SUZ12: variants seen among roughly 807,000 people sequenced by gnomAD.
The protein encoded by SUZ12 is SUZ12 polycomb repressive complex 2 subunit.
In SUZ12, 17 loss-of-function variants were observed where a neutral mutation model predicts 87.3. That is an observed-to-expected ratio of 0.19 (90% CI 0.13 to 0.29). The LOEUF (loss-of-function observed/expected upper bound fraction) is 0.29. SUZ12 is among the 10% of genes least tolerant of loss of function. SUZ12 has a pLI of 1.00. For synonymous variants in SUZ12, 253 were observed against 312.4 expected (o/e 0.81, Z 2.01); for missense variants, 526 against 912.2 (o/e 0.58, Z 5.45).
intron 15 of SUZ12, 74 bp from the exon 16 acceptor site, chr17:31,998,584 T>C (rs1910105613): frequency 2.9e-6 from 3 of 1,046,790 alleles, no homozygotes; most frequent in East Asian, 2.7e-5. Context: ...TATAGTCTTA[T>C]TATAATGGTT....
At chr17:31,992,153 G>A (rs1487304639) in intron 10 of SUZ12, among the ~76,000 whole-genome samples, 3 of 151,736 alleles carry the variant, frequency 2.0e-5, no homozygotes, top group African/African-American at 7.3e-5. Flanking sequence ...TCAGCCGGGT[G>A]TGGTGGCGGG....
intron 3 of SUZ12, among the ~76,000 whole-genome samples, chr17:31,944,811 T>G (rs1906520803): frequency 6.6e-6 from 1 of 152,138 alleles, no homozygotes; most frequent in Non-Finnish European, 1.5e-5. Flanking sequence ...GGTGCAAGAT[T>G]ATATTTATTT....
rs531510092 is a variant in SUZ12, at chr17:31,988,405, C to T, written c.1109C>T (p.Thr370Met). The T allele has an allele frequency of 3.6e-5, 58 of 1,613,720 alleles. No homozygotes were observed. The highest frequency in any genetic ancestry group is 1.6e-4 in the Middle Eastern group (1 of 6,082). ...RWTGETNDKS[T>M]APIAKPLATR... The stretch of plus-strand genomic sequence containing the variant: ...ACAGGAGAGACCAATGATAAATCTA[C>T]GGCTCCTATTGCCAAACCTCTTGCC... Residue 370 changes from threonine to methionine, a missense_variant, in exon 10 of 16, where the codon ACG (threonine) becomes ATG (methionine). Coordinates refer to ENST00000322652, the MANE Select transcript of SUZ12 (RefSeq NM_015355.4).
intron 6 of SUZ12, among the ~76,000 whole-genome samples, chr17:31,975,006 TGTA>T (rs1264655038): frequency 6.6e-6 from 1 of 152,202 alleles, no homozygotes; most frequent in Non-Finnish European, 1.5e-5. Context: ...TGTTTCATAA[TGTA>T]GTTGTTGACC....
chr17:31,972,098 A>T (rs1908467289), intron 5 of SUZ12, among the ~76,000 whole-genome samples: 1 of 151,944 alleles, frequency 6.6e-6, no homozygotes, highest in African/African-American at 2.4e-5. Context: ...AGCCTAGCCA[A>T]CATGGTGAAA....
rs531987209 is a variant in SUZ12, at chr17:31,992,432, CAG to C, written c.1202-807_1202-806del. On this transcript the variant is annotated intron_variant, in intron 10 of 15. Transcript: ENST00000322652. ...TTTGTTTCTGTTTTCCTTTTTTTGACAGAGTCTTCCTCAGTCGCCCAGGCTGG... is the reference window on the plus strand; with the variant it reads ...TTTGTTTCTGTTTTCCTTTTTTTGACAGTCTTCCTCAGTCGCCCAGGCTGG... Among the ~76,000 whole-genome samples, 905 of 152,106 alleles carry C rather than the reference CAG, an allele frequency of 5.9e-3. 8 individuals are homozygous for C. Among genetic ancestry groups the C allele is most frequent in the Middle Eastern group, 0.02 (6 of 294 alleles).
chr17:31,965,146 TA>T (rs71959182), intron 4 of SUZ12, among the ~76,000 whole-genome samples: 8,549 of 149,800 alleles, frequency 0.057, 758 homozygotes, highest in African/African-American at 0.2. Context: ...CACCATCATT[TA>T]AAAAAAAAAT....
chr17:31,961,668 G>A (rs890050350), intron 4 of SUZ12, among the ~76,000 whole-genome samples: 2 of 152,240 alleles, frequency 1.3e-5, no homozygotes, highest in African/African-American at 4.8e-5. Context: ...AATTTTCAGT[G>A]TGTTGTTAGT....
chr17:31,945,391 A>G (rs960373558), intron 3 of SUZ12, among the ~76,000 whole-genome samples: 13 of 152,112 alleles, frequency 8.5e-5, no homozygotes, highest in Admixed American at 3.9e-4. Flanking sequence ...CTCTTTCTAG[A>G]AGTATTCAAC....
intron 4 of SUZ12, chr17:31,963,777 C>G (rs1222181712): frequency 6.6e-6 from 1 of 152,048 alleles, no homozygotes; most frequent in African/African-American, 2.4e-5. Context: ...CCCGCCTTGG[C>G]CTCCCAAAGT....
chr17:31,994,102 T>G, intron 12 of SUZ12, 94 bp downstream of exon 12: 1 of 1,257,248 alleles, frequency 8.0e-7, no homozygotes. Context: ...ATTTTTTAAA[T>G]TAAAAAAGGG....
chr17:31,953,019 T>C (rs1440136910), intron 4 of SUZ12, among the ~76,000 whole-genome samples: 3 of 152,220 alleles, frequency 2.0e-5, no homozygotes, highest in Non-Finnish European at 2.9e-5. Flanking sequence ...CTTATTCCTC[T>C]TCTATTCCTG....
Position 31,966,120 on chromosome 17 carries a change from A to G in SUZ12, c.456-27A>G, listed in dbSNP as rs201411769. The G allele has an allele frequency of 9.1e-4, 1,420 of 1,553,328 alleles. 14 individuals carry two copies. Among genetic ancestry groups the G allele is most frequent in the Middle Eastern group, 8.6e-3 (44 of 5,132 alleles). On this transcript the variant is annotated intron_variant, in intron 4 of 15. Transcript: ENST00000322652. ...TTTTACTACAGAGCATTACAATGAT[A>G]AAATATTTCCTTTTTTTTTTTTTTA...
At chr17:31,983,808 G>A (rs1293513910) in intron 9 of SUZ12, among the ~76,000 whole-genome samples, 1 of 152,162 alleles carries the variant, frequency 6.6e-6, no homozygotes, top group Non-Finnish European at 1.5e-5. Flanking sequence ...CATTGTAATG[G>A]CAGGTAATAA....
At chr17:31,996,281 T>TGTGTAGG (rs1909975391) in intron 14 of SUZ12, among the ~76,000 whole-genome samples, 2 of 152,192 alleles carry the variant, frequency 1.3e-5, no homozygotes, top group Non-Finnish European at 2.9e-5. Context: ...TTGTGTGTTT[T>TGTGTAGG]CATTTCTATA....
intron 5 of SUZ12, among the ~76,000 whole-genome samples, chr17:31,969,232 C>T (rs1487826321): frequency 6.6e-6 from 1 of 152,130 alleles, no homozygotes; most frequent in Admixed American, 6.6e-5. Context: ...ACAACCTCTA[C>T]CTCCCGGGTT....
intron 4 of SUZ12, among the ~76,000 whole-genome samples, chr17:31,960,369 G>A (rs149744451): frequency 0.039 from 5,827 of 151,346 alleles, 373 homozygotes; most frequent in African/African-American, 0.13. Flanking sequence ...TGCCACCACG[G>A]CCAGCTAATT....
chr17:31,970,849 C>T (rs1037850699), intron 5 of SUZ12, among the ~76,000 whole-genome samples: 3 of 151,628 alleles, frequency 2.0e-5, no homozygotes, highest in Non-Finnish European at 2.9e-5. Flanking sequence ...TGCCTTAGAA[C>T]AAAAAATTTT....
At chr17:31,957,217 G>A (rs1907398404) in intron 4 of SUZ12, among the ~76,000 whole-genome samples, 1 of 151,800 alleles carries the variant, frequency 6.6e-6, no homozygotes, top group Admixed American at 6.6e-5. Flanking sequence ...TGATTAGCTG[G>A]GACTACCTGG....
Sources: gnomAD v4.1 joint callset for allele counts (sites outside exome capture counted in the v4.1 genomes callset) on GRCh38, gnomAD v4.1.1 for gene constraint, MANE v1.5 for transcripts, NCBI Gene and HGNC (gene_info 2026-07-23, HGNC 2026-07-21) for gene names.